The following WDPCP variants were observed in gnomAD, a reference collection of about 807,000 sequenced individuals.
The protein encoded by WDPCP is WD repeat containing planar cell polarity effector.
In WDPCP, 71 loss-of-function variants were observed where a neutral mutation model predicts 93.1. The observed-to-expected ratio is 0.76, with a 90% CI of 0.63 to 0.93. The LOEUF (loss-of-function observed/expected upper bound fraction) is 0.93, where lower values mean the gene tolerates loss of function less well. Ranked by LOEUF, WDPCP falls within the 40% of genes least tolerant of loss-of-function variation. The probability of loss-of-function intolerance (pLI) is 0.00; values close to 1 mark genes in which losing one functional copy is unlikely to be tolerated. For synonymous variants in WDPCP, 315 were observed against 315.0 expected (o/e 1.00, Z 0.00); for missense variants, 844 against 887.4 (o/e 0.95, Z 0.62).
At chr2:63,778,071 T>C (rs1670331256) in intron 2 of WDPCP, among the ~76,000 whole-genome samples, 1 of 152,172 alleles carries the variant, frequency 6.6e-6, no homozygotes, top group Admixed American at 6.6e-5. Context: ...TTCCTTCAAC[T>C]CCACCTGACC....
chr2:63,190,129 C>T (rs181915283), intron 14 of WDPCP, among the ~76,000 whole-genome samples: 372 of 152,030 alleles, frequency 2.4e-3, no homozygotes, highest in Non-Finnish European at 4.5e-3. Context: ...ATAGTGACAA[C>T]ATAGAAGTAG....
intron 3 of WDPCP, chr2:63,606,740 T>G: frequency 1.8e-6 from 1 of 556,854 alleles, no homozygotes; most frequent in Non-Finnish European, 2.8e-6. Flanking sequence ...AATCTGGATT[T>G]TTATTTACTT....
chr2:63,622,619 AG>A, intron 3 of WDPCP: 1 of 1,613,830 alleles, frequency 6.2e-7, no homozygotes, highest in Non-Finnish European at 8.5e-7. Flanking sequence ...CAACATTGGC[AG>A]GAAATAGTTG....
At chr2:63,373,471 G>A (rs1325770058) in intron 12 of WDPCP, among the ~76,000 whole-genome samples, 1 of 150,838 alleles carries the variant, frequency 6.6e-6, no homozygotes, top group East Asian at 1.9e-4. Flanking sequence ...GCTTGTGCTG[G>A]TCTCAAATTC....
rs1318987530 is a variant in WDPCP, at chr2:63,697,936, C to A, written n.309-47098G>T. Among the ~76,000 whole-genome samples the A allele has an allele frequency of 4.1e-5, 6 of 145,432 alleles. No individual in the cohort carries two copies. In the Admixed American group the frequency reaches 4.2e-4, roughly 10 times the overall value. ...AAGTGCTGGGACTACAGGTATGAGT[C>A]ACCATGCCCAGCCTATGACTTTTTT... On this transcript the variant is annotated intron_variant and non_coding_transcript_variant, in intron 2 of 4. Transcript: ENST00000467687.
intron 12 of WDPCP, among the ~76,000 whole-genome samples, chr2:63,340,935 G>A (rs367791499): frequency 6.6e-6 from 1 of 152,104 alleles, no homozygotes; most frequent in African/African-American, 2.4e-5. Flanking sequence ...GAATTTTGCT[G>A]TACCCCGTAA....
chr2:63,718,973 T>C (rs376498129), intron 2 of WDPCP, among the ~76,000 whole-genome samples: 11 of 152,350 alleles, frequency 7.2e-5, no homozygotes, highest in African/African-American at 2.2e-4. Flanking sequence ...CTTGCCAATA[T>C]AGCCTTGAAA....
At chr2:63,474,174 A>G (rs1166291190) in intron 6 of WDPCP, among the ~76,000 whole-genome samples, 1 of 152,182 alleles carries the variant, frequency 6.6e-6, no homozygotes, top group Non-Finnish European at 1.5e-5. Context: ...GGTAATATAG[A>G]ACTTAAATAA....
rs375916481 is a variant in WDPCP at position 63,391,508 on chromosome 2, T to C, written c.1436-9414A>G. ...AGACAAGGATGCCCTCTCTCACCAC[T>C]CCTATTCAACATATTGGAAGTTCTG... is the stretch of plus-strand genomic sequence containing the variant. On this transcript the variant is annotated intron_variant, in intron 10 of 17. Transcript: ENST00000272321. Among the ~76,000 whole-genome samples the C allele has an allele frequency of 2.0e-5, 3 of 152,174 alleles. No homozygotes were observed. In the East Asian group the frequency reaches 5.8e-4, roughly 29 times the overall value.
chr2:63,149,694 T>C (rs1249122821), intron 17 of WDPCP, among the ~76,000 whole-genome samples: 1 of 152,224 alleles, frequency 6.6e-6, no homozygotes, highest in Non-Finnish European at 1.5e-5. Flanking sequence ...AGCATGGCTA[T>C]ATTCAAAAAT....
At chr2:63,748,325 A>C (rs902743693) in intron 2 of WDPCP, among the ~76,000 whole-genome samples, 1 of 151,878 alleles carries the variant, frequency 6.6e-6, no homozygotes, top group African/African-American at 2.4e-5. Flanking sequence ...CTAATCTTAG[A>C]TAAAATTATT....
chr2:63,324,353 C>A (rs570754621), intron 12 of WDPCP, among the ~76,000 whole-genome samples: 5 of 152,096 alleles, frequency 3.3e-5, no homozygotes, highest in Admixed American at 3.3e-4. Context: ...ATCTCCCCTG[C>A]CCAGAAGGAA....
At chr2:63,734,553 C>T (rs1196176865) in intron 2 of WDPCP, among the ~76,000 whole-genome samples, 2 of 152,124 alleles carry the variant, frequency 1.3e-5, no homozygotes, top group East Asian at 1.9e-4. Flanking sequence ...AACAATACCT[C>T]GAGTAAATCT....
intron 14 of WDPCP, among the ~76,000 whole-genome samples, chr2:63,192,911 T>C (rs761206470): frequency 1.3e-5 from 2 of 152,216 alleles, no homozygotes; most frequent in Non-Finnish European, 2.9e-5. Context: ...AGAATGAAAA[T>C]CTTTTATAAT....
chr2:63,809,452 G>A (rs1483959673), intron 2 of WDPCP, among the ~76,000 whole-genome samples: 20 of 152,194 alleles, frequency 1.3e-4, no homozygotes, highest in Non-Finnish European at 1.8e-4. Context: ...TGACAATGGC[G>A]GTTTTGTGGA....
intron 12 of WDPCP, among the ~76,000 whole-genome samples, chr2:63,367,903 G>C (rs1009065080): frequency 6.6e-6 from 1 of 152,126 alleles, no homozygotes; most frequent in African/African-American, 2.4e-5. Context: ...GTTCATTAAA[G>C]ATTTCACAAA....
chr2:63,490,168 A>C (rs1302376062), intron 2 of WDPCP, among the ~76,000 whole-genome samples: 1 of 152,080 alleles, frequency 6.6e-6, no homozygotes, highest in African/African-American at 2.4e-5. Flanking sequence ...AAGAAACATA[A>C]CAATGCAATA....
chr2:63,755,379 T>C (rs1251926743), intron 2 of WDPCP, among the ~76,000 whole-genome samples: 4 of 152,262 alleles, frequency 2.6e-5, no homozygotes, highest in African/African-American at 9.6e-5. Flanking sequence ...CTACATCTAA[T>C]AGCAGGAGAC....
chr2:63,372,551 C>T lies in WDPCP; in HGVS notation c.1748+5835G>A, dbSNP rs192264794. On this transcript the variant is annotated intron_variant, in intron 12 of 17. Coordinates refer to ENST00000272321, the MANE Select transcript of WDPCP (RefSeq NM_015910.7). ...TATTCATGGGAAAAAAGTATAGTCT[C>T]CACTTGTTGGACTCTACACATGTCC... Among the ~76,000 whole-genome samples, 4 of 152,150 alleles carry T rather than the reference C, an allele frequency of 2.6e-5. No homozygotes were observed. The East Asian group carries it at 7.7e-4, about 29-fold the overall frequency.
Sources: gnomAD v4.1 joint callset for allele counts (sites outside exome capture counted in the v4.1 genomes callset) on GRCh38, gnomAD v4.1.1 for gene constraint, MANE v1.5 for transcripts, NCBI Gene and HGNC (gene_info 2026-07-23, HGNC 2026-07-21) for gene names.